The following NOS3 variants were observed in gnomAD, a reference collection of about 807,000 sequenced individuals.
The protein encoded by NOS3 is nitric oxide synthase 3, also known as NOS type III.
NOS3 carries 98 observed loss-of-function variants against 144.9 expected under a neutral mutation model. The observed-to-expected ratio is 0.68, with a 90% CI of 0.57 to 0.80. NOS3 has a LOEUF of 0.80. NOS3 is among the 30% of genes least tolerant of loss of function. The pLI is 0.00. For synonymous variants in NOS3, 714 were observed against 702.4 expected (o/e 1.02, Z -0.26); for missense variants, 1,465 against 1,656.4 (o/e 0.88, Z 2.01).
At position 151,014,488 on chromosome 7, in the gene NOS3, T is replaced by A; in HGVS notation, c.*319T>A. 5.5e-6 allele frequency: 2 copies of A among 366,884 alleles called. No individual in the cohort carries two copies. The highest frequency in any genetic ancestry group is 9.8e-6 in the Non-Finnish European group (2 of 203,748). 22.7% of individuals were successfully genotyped at this position (366,884 alleles called of 1,614,324 possible). A position where few individuals can be genotyped will look rare whatever the true frequency, so the allele number is the denominator to read the frequency against. On this transcript the variant is annotated 3_prime_UTR_variant, in exon 27 of 27. Coordinates refer to ENST00000297494, the MANE Select transcript of NOS3 (RefSeq NM_000603.5). Reference sequence around the variant, plus strand: ...TTGCCTCTCTCAGGAGTATCTTACCTGTAAAGTCTAATCTCTAAATCAAGT... The same window carrying A: ...TTGCCTCTCTCAGGAGTATCTTACCAGTAAAGTCTAATCTCTAAATCAAGT...
chr7:151,006,400 C>T, intron 14 of NOS3, 27 bp from the exon 15 acceptor site: 1 of 1,593,778 alleles, frequency 6.3e-7, no homozygotes, highest in Non-Finnish European at 8.6e-7. Context: ...ACAAAACTAA[C>T]CCTGATGCAA....
Position 150,999,237 on chromosome 7 carries a change from C to T in NOS3, c.1004C>T (p.Ala335Val). 6.2e-7 allele frequency: 1 copy of T among 1,611,818 alleles called. No individual in the cohort carries two copies. Among genetic ancestry groups the T allele is most frequent in the Non-Finnish European group, 8.5e-7 (1 of 1,179,570 alleles). ...GGCCTGCGCTGGTACGCCCTCCCGG[C>T]AGTGTCCAACATGCTGCTGGAAATT... The part of the protein sequence containing the change: ...ALGLRWYALP[A>V]VSNMLLEIGG... Residue 335 changes from alanine (A) to valine (V), a missense_variant, in exon 9 of 27, where the codon GCA becomes GTA. By Grantham distance (64) the Ala-to-Val change is moderately conservative. This residue lies in a region of NOS3 where 745 missense variants were observed against 853.9 expected (regional missense o/e 0.87). Transcript: ENST00000297494.
chr7:151,002,893 C>A lies in NOS3; in HGVS notation c.1752+589C>A. The A allele has an allele frequency of 2.0e-5, 4 of 200,702 alleles. No individual in the cohort carries two copies. In the South Asian group the frequency reaches 2.7e-4, roughly 14 times the overall value. The allele number at this position is 200,702 out of a possible 1,614,324, so 12.4% of individuals were successfully genotyped here. A position where few individuals can be genotyped will look rare whatever the true frequency, so the allele number is the denominator to read the frequency against. On this transcript the variant is annotated intron_variant, in intron 14 of 26. Coordinates refer to ENST00000297494, the MANE Select transcript of NOS3 (RefSeq NM_000603.5). The surrounding 1 kb of genome is among the most constrained non-coding windows in gnomAD (Gnocchi z 4.1). ...CTCCTAGCCTCAAGAGATCCTCCTG[C>A]CGCAGGCTCCTTTTTCAAAAGAAGA...
intron 10 of NOS3, 89 bp from the exon 11 acceptor site, chr7:151,001,142 T>C: frequency 7.5e-7 from 1 of 1,338,092 alleles, no homozygotes; most frequent in South Asian, 1.2e-5. Context: ...CGAGGGCACA[T>C]GTGGTTTGGG....
At position 151,009,070 on chromosome 7, in the gene NOS3, C is replaced by T. The variant is rs1409668914; in HGVS notation, c.2245+8C>T. The T allele has an allele frequency of 6.2e-7, 1 of 1,612,896 alleles. No individual in the cohort carries two copies. The highest frequency in any genetic ancestry group is 1.3e-5 in the African/African-American group (1 of 74,898). On this transcript the variant is annotated splice_region_variant and intron_variant, in intron 18 of 26. Transcript: ENST00000297494. ...GCCTGCAGTTGCTGCCAGGTGGGCCCTGCCCTCACCCTAACCCGGCTGGTT... is the reference window on the plus strand; with the variant it reads ...GCCTGCAGTTGCTGCCAGGTGGGCCTTGCCCTCACCCTAACCCGGCTGGTT...
chr7:150,995,401 A>C, intron 3 of NOS3, 87 bp downstream of exon 3: 1 of 828,242 alleles, frequency 1.2e-6, no homozygotes, highest in Non-Finnish European at 1.9e-6. Context: ...GGGAAGCTCA[A>C]CCCTTCTTTG....
chr7:151,001,235 C>G lies in NOS3; in HGVS notation c.1238C>G (p.Ala413Gly). ...NVAVLHSYQL[A>G]KVTIVDHHAA... ...CCCCCTCTCTCTCCCTTCCAGCTAG[C>G]CAAAGTCACCATCGTGGACCACCAC... The change falls in exon 11 of 27, where the codon GCC becomes GGC. Residue 413 changes from alanine to glycine, a missense_variant. Around this residue, in one of 5 missense-constraint regions of NOS3, gnomAD observed 745 missense variants for 853.9 expected, o/e 0.87. Transcript: ENST00000297494. 7 of 1,613,010 alleles carry G rather than the reference C, an allele frequency of 4.3e-6. No individual in the cohort carries two copies. The highest frequency in any genetic ancestry group is 5.9e-6 in the Non-Finnish European group (7 of 1,179,922).
At position 150,998,139 on chromosome 7, in the gene NOS3, G is replaced by A. The variant is rs1671470406; in HGVS notation, c.583-218G>A. ...AAGTCAGCTTCCATAGGGATGGGGA[G>A]ACACCTGGCCCAGGGAGGAGATGAG... On this transcript the variant is annotated intron_variant, in intron 5 of 26. Transcript: ENST00000297494. This position sits in a 1 kb window ranked among gnomAD's most constrained non-coding sequence, Gnocchi z 5.0. Among the ~76,000 whole-genome samples the A allele has an allele frequency of 1.3e-5, 2 of 152,204 alleles. No homozygotes were observed. Among genetic ancestry groups the A allele is most frequent in the African/African-American group, 4.8e-5 (2 of 41,454 alleles).
chr7:150,994,006 T>A (rs1418754086), intron 2 of NOS3, 45 bp downstream of exon 2: 2 of 1,526,036 alleles, frequency 1.3e-6, no homozygotes, highest in Non-Finnish European at 1.8e-6. Flanking sequence ...AAGGGTGGTG[T>A]CAAGGCCTGA....
Position 150,998,613 on chromosome 7 carries a change from G to A in NOS3, c.749G>A (p.Arg250His), listed in dbSNP as rs1277224565. Residue 250 changes from arginine (R) to histidine (H), a missense_variant, in exon 7 of 27, where the codon CGC becomes CAC. Arg to His is a conservative substitution (Grantham distance 29). This residue lies in a region of NOS3 where 374 missense variants were observed against 377.0 expected (regional missense o/e 0.99). Transcript: ENST00000297494. The surrounding 1 kb of genome is among the most constrained non-coding windows in gnomAD (Gnocchi z 5.0). ...CGAATCTGGAACAGCCAGCTGGTGC[G>A]CTACGCGGGCTACCGGCAGCAGGAT... ...DFRIWNSQLV[R>H]YAGYRQQDGS... 28 of 1,608,308 alleles carry A rather than the reference G, an allele frequency of 1.7e-5. No homozygotes were observed. The highest frequency in any genetic ancestry group is 1.9e-5 in the Non-Finnish European group (22 of 1,178,550).
chr7:150,995,200 C>T lies in NOS3; in HGVS notation c.159-3C>T. 6.4e-7 allele frequency: 1 copy of T among 1,570,236 alleles called. No homozygotes were observed. The highest frequency in any genetic ancestry group is 8.8e-7 in the Non-Finnish European group (1 of 1,142,242). ...TGATGACCCTATCCCTGGCTCCCAACAGCCCCCCGAGCTCCCCGCTAACCC... is the reference window on the plus strand; with the variant it reads ...TGATGACCCTATCCCTGGCTCCCAATAGCCCCCCGAGCTCCCCGCTAACCC... On this transcript the variant is annotated splice_region_variant and splice_polypyrimidine_tract_variant and intron_variant, in intron 2 of 26. Coordinates refer to ENST00000297494, the MANE Select transcript of NOS3 (RefSeq NM_000603.5).
intron 9 of NOS3, 79 bp from the exon 10 acceptor site, chr7:151,000,419 G>T: frequency 1.1e-6 from 1 of 908,290 alleles, no homozygotes; most frequent in Non-Finnish European, 1.8e-6. Flanking sequence ...AGCCATGTAC[G>T]GGAAACAGAG....
intron 4 of NOS3, 87 bp downstream of exon 4, chr7:150,996,639 C>A: frequency 6.7e-7 from 1 of 1,503,144 alleles, no homozygotes; most frequent in Non-Finnish European, 9.0e-7. Context: ...CCCCTCCCTT[C>A]CCAGATCCTA....
intron 1 of NOS3, among the ~76,000 whole-genome samples, chr7:150,992,164 CAGAA>C (rs1246275231): frequency 2.8e-5 from 4 of 143,344 alleles, no homozygotes; most frequent in Non-Finnish European, 4.5e-5. Context: ...AAAAAAAAGA[CAGAA>C]GGATGTCAGC....
chr7:151,008,749 C>T lies in NOS3; in HGVS notation c.2113-181C>T, dbSNP rs549606847. The T allele has an allele frequency of 2.4e-4, 150 of 635,370 alleles. No homozygotes were observed. The African/African-American group carries it at 2.4e-3, about 10-fold the overall frequency. 39.4% of individuals were successfully genotyped at this position (635,370 alleles called of 1,614,324 possible). On this transcript the variant is annotated intron_variant, in intron 17 of 26. Transcript: ENST00000297494. ...GTGCAGAGAAAGAGCCAGCCGGGTC[C>T]CTGGGCCCAGCGGCCAATCCATGAA...
Position 151,010,969 on chromosome 7 carries a change from G to A in NOS3, c.2967G>A (p.Val989=). Residue 989 remains valine, a synonymous_variant, in exon 23 of 27, where the codon GTG becomes GTA. Transcript: ENST00000297494. ...WLSQLKPGDP[V]PCFIRGAPSF... is the part of the protein sequence containing the mutation. ...GCCAGCTCAAGCCCGGAGACCCTGT[G>A]CCCTGCTTCATCCGGGGGTAAGTGA... is the stretch of plus-strand genomic sequence containing the variant. 6.2e-7 allele frequency: 1 copy of A among 1,613,570 alleles called. No homozygotes were observed.
Position 151,002,356 on chromosome 7 carries a change from G to T in NOS3, c.1752+52G>T, listed in dbSNP as rs765063443. On this transcript the variant is annotated intron_variant, in intron 14 of 26. Transcript: ENST00000297494. This position sits in a 1 kb window ranked among gnomAD's most constrained non-coding sequence, Gnocchi z 4.1. ...TGGGAATGAGGAGAGACTCAGAATTGGAGTGACTGGGCAGGAACCTCTGCC... is the reference window on the plus strand; with the variant it reads ...TGGGAATGAGGAGAGACTCAGAATTTGAGTGACTGGGCAGGAACCTCTGCC... 5.7e-6 allele frequency: 4 copies of T among 707,638 alleles called. No homozygotes were observed. The highest frequency in any genetic ancestry group is 4.4e-5 in the South Asian group (3 of 67,860). 43.8% of individuals were successfully genotyped at this position (707,638 alleles called of 1,614,324 possible).
In NOS3 at chr7:151,001,406, C is replaced by G; in HGVS notation, c.1409C>G (p.Ser470Cys). Residue 470 changes from serine to cysteine, a missense_variant, in exon 11 of 27, where the codon TCC (serine) becomes TGC (cysteine). Ser to Cys is a moderately radical substitution (Grantham distance 112). This residue lies in a region of NOS3 where 745 missense variants were observed against 853.9 expected (regional missense o/e 0.87). Transcript: ENST00000297494. ...FHQEMVNYFLSPAFRYQPDPW... is the reference protein window; with the variant it reads ...FHQEMVNYFLCPAFRYQPDPW... ...CAGGAGATGGTCAACTATTTCCTGT[C>G]CCCGGCCTTCCGCTACCAGGTGCCC... is the stretch of plus-strand genomic sequence containing the variant. 6.3e-7 allele frequency: 1 copy of G among 1,589,848 alleles called. No homozygotes were observed. Among genetic ancestry groups the G allele is most frequent in the Non-Finnish European group, 8.6e-7 (1 of 1,166,770 alleles).
chr7:151,010,567 C>T, intron 21 of NOS3, 30 bp from the exon 22 acceptor site: 1 of 1,525,774 alleles, frequency 6.6e-7, no homozygotes, highest in Non-Finnish European at 8.8e-7. Context: ...GGCTATGGGG[C>T]CTCCAACCCA....
Sources: gnomAD v4.1 joint callset for allele counts (sites outside exome capture counted in the v4.1 genomes callset) on GRCh38, gnomAD v4.1.1 for gene constraint, gnomAD v4.1.1 regional missense constraint, Gnocchi (gnomAD v3.1) non-coding constraint, MANE v1.5 for transcripts, NCBI Gene and HGNC (gene_info 2026-07-23, HGNC 2026-07-21) for gene names.